The following ABCC5 variants were observed in gnomAD, a reference collection of about 807,000 sequenced individuals.
ABCC5 encodes the protein ATP-binding cassette sub-family C member 5.
A neutral mutation model predicts 160.9 loss-of-function variants in ABCC5; 61 were observed. The observed-to-expected ratio is 0.38, with a 90% CI of 0.31 to 0.47. The LOEUF (loss-of-function observed/expected upper bound fraction) is 0.47, where lower values mean the gene tolerates loss of function less well. Among genes scored for constraint, ABCC5 ranks in the 20% least tolerant of loss-of-function variants. The pLI, the probability that ABCC5 is intolerant of heterozygous loss-of-function variation, is 0.99. For missense variants in ABCC5, 1,308 were observed against 1,813.3 expected (o/e 0.72, Z 5.06); for synonymous variants, 666 against 700.6 (o/e 0.95, Z 0.78).
intron 2 of ABCC5, 80 bp from the exon 3 acceptor site, chr3:183,989,463 A>C: frequency 1.7e-4 from 238 of 1,437,652 alleles, no homozygotes; most frequent in Non-Finnish European, 2.0e-4. Context: ...GAAACAGCTC[A>C]AACTGCAAAC....
chr3:183,971,119 G>A (rs904406946), intron 11 of ABCC5, among the ~76,000 whole-genome samples: 7 of 152,080 alleles, frequency 4.6e-5, no homozygotes, highest in South Asian at 2.1e-4. Flanking sequence ...TACCGTTAAC[G>A]ATCCTTAACT....
At chr3:183,969,139 A>T (rs1429376455) in intron 11 of ABCC5, among the ~76,000 whole-genome samples, 1 of 152,174 alleles carries the variant, frequency 6.6e-6, no homozygotes, top group Non-Finnish European at 1.5e-5. Flanking sequence ...TGGTGCACAG[A>T]AGACACTTGG....
rs936667017 is a variant in ABCC5 at position 183,934,073 on chromosome 3, A to C, written c.3854+3828T>G. ...GTAATCCCAGCACTTTGGGAGGCTG[A>C]GGTGGGCAGATCACCTGAGGTCAGG... On this transcript the variant is annotated intron_variant, in intron 26 of 29. Transcript: ENST00000334444. 2.0e-5 allele frequency among the ~76,000 whole-genome samples: 3 copies of C among 152,190 alleles called. No individual in the cohort carries two copies. In the East Asian group the frequency reaches 5.8e-4, roughly 29 times the overall value.
At position 184,014,165 on chromosome 3, in the gene ABCC5, G is replaced by A. The variant is rs1020956477; in HGVS notation, c.129+99C>T. 3.0e-5 allele frequency: 35 copies of A among 1,168,804 alleles called. 1 individual carries two copies. The Middle Eastern group carries it at 6.3e-4, about 21-fold the overall frequency. The allele number at this position is 1,168,804 out of a possible 1,614,324, so 72.4% of individuals were successfully genotyped here. ...TGGGTTTATAGGCGTGAGCCACCGCGCCCGGCCAAAAAATAAGTTTCTAAA... is the reference window on the plus strand; with the variant it reads ...TGGGTTTATAGGCGTGAGCCACCGCACCCGGCCAAAAAATAAGTTTCTAAA... On this transcript the variant is annotated intron_variant, in intron 2 of 29. Transcript: ENST00000334444.
Position 183,951,323 on chromosome 3 carries a change from G to C in ABCC5, c.2944+118C>G, listed in dbSNP as rs1279012896. On this transcript the variant is annotated intron_variant, in intron 20 of 29. Transcript: ENST00000334444. The surrounding 1 kb of genome is among the most constrained non-coding windows in gnomAD (Gnocchi z 4.7). ...TGCAATGTTCCTGGTGAAAACACCA[G>C]CAGTCACTGTGCTCTCAGGATCTAC... 1 of 1,334,736 alleles carries C rather than the reference G, an allele frequency of 7.5e-7. No homozygotes were observed. The highest frequency in any genetic ancestry group is 2.4e-5 in the Admixed American group (1 of 41,604). 82.7% of individuals were successfully genotyped at this position (1,334,736 alleles called of 1,614,324 possible).
chr3:183,927,257 C>A, intron 28 of ABCC5, 73 bp downstream of exon 28: 2 of 1,457,552 alleles, frequency 1.4e-6, no homozygotes, highest in Non-Finnish European at 9.4e-7. Context: ...TACCTTTGGA[C>A]CCCAGTGTGT....
At chr3:183,989,439 C>T in intron 2 of ABCC5, 56 bp from the exon 3 acceptor site, 9 of 1,576,038 alleles carry the variant, frequency 5.7e-6, no homozygotes, top group Non-Finnish European at 7.8e-6. Flanking sequence ...AGGCGAGAGG[C>T]AAACGGAACT....
In ABCC5 at chr3:183,950,115, C is replaced by A. The variant is rs1359836068; in HGVS notation, c.2955G>T (p.Arg985=). 1.9e-6 allele frequency: 3 copies of A among 1,613,192 alleles called. No homozygotes were observed. The highest frequency in any genetic ancestry group is 2.5e-6 in the Non-Finnish European group (3 of 1,179,772). The change falls in exon 21 of 30, where the codon CGG becomes CGT. Residue 985 remains arginine (R), a synonymous_variant. Transcript: ENST00000334444. Reference sequence around the variant, plus strand: ...TGAACATCTCGGCCTGGAACGGCAGCCGCACGTCAACTGTGGAAACAAATA... The same window carrying A: ...TGAACATCTCGGCCTGGAACGGCAGACGCACGTCAACTGTGGAAACAAATA... ...FSKDMDEVDV[R]LPFQAEMFIQ... is the part of the protein sequence containing the mutation.
At chr3:183,960,240 CCT>C (rs1716597813) in intron 16 of ABCC5, among the ~76,000 whole-genome samples, 1 of 152,206 alleles carries the variant, frequency 6.6e-6, no homozygotes, top group African/African-American at 2.4e-5. Context: ...TTCTGTAGGA[CCT>C]CCATATTCTG....
intron 8 of ABCC5, 39 bp downstream of exon 8, chr3:183,981,688 T>G (rs1385321661): frequency 3.7e-6 from 6 of 1,602,058 alleles, no homozygotes; most frequent in Admixed American, 1.8e-5. Flanking sequence ...GAATCCAAGG[T>G]CCTTCTACCA....
At chr3:183,972,464 ATCT>A (rs1438634891) in intron 10 of ABCC5, among the ~76,000 whole-genome samples, 1 of 152,182 alleles carries the variant, frequency 6.6e-6, no homozygotes, top group African/African-American at 2.4e-5. Flanking sequence ...CGCAGAGAAC[ATCT>A]TCTTGCCAAG....
chr3:183,956,456 G>GGATCCATGTGTATATCACATCT (rs1715978688), intron 17 of ABCC5, among the ~76,000 whole-genome samples: 1 of 146,016 alleles, frequency 6.8e-6, no homozygotes, highest in African/African-American at 2.7e-5. Context: ...AAATCACATC[G>GGATCCATGTGTATATCACATCT]GTTACATGCG....
intron 8 of ABCC5, among the ~76,000 whole-genome samples, chr3:183,981,188 G>C (rs186126015): frequency 6.6e-6 from 1 of 152,138 alleles, no homozygotes; most frequent in African/African-American, 2.4e-5. Flanking sequence ...AAGGCACACT[G>C]GTTCAATTTG....
chr3:183,950,363 A>G (rs570089399), intron 20 of ABCC5, among the ~76,000 whole-genome samples: 62 of 152,230 alleles, frequency 4.1e-4, no homozygotes, highest in African/African-American at 1.3e-3. Flanking sequence ...ACTGCTTTAA[A>G]CATTTTCCCC....
At chr3:183,993,790 TAATTA>T (rs1213781682) in intron 2 of ABCC5, among the ~76,000 whole-genome samples, 2 of 152,152 alleles carry the variant, frequency 1.3e-5, no homozygotes, top group Non-Finnish European at 2.9e-5. Flanking sequence ...TCAGAGGCAT[TAATTA>T]TATTCACAAT....
chr3:183,922,841 C>T lies in ABCC5; in HGVS notation c.4213-1440G>A, dbSNP rs112357545. ...CATAAGCGTGTCCTTCCTTTGGACACGTGTCCTTCCTTTGGTTGGGTGCTT... is the reference window on the plus strand; with the variant it reads ...CATAAGCGTGTCCTTCCTTTGGACATGTGTCCTTCCTTTGGTTGGGTGCTT... On this transcript the variant is annotated intron_variant, in intron 29 of 29. Coordinates refer to ENST00000334444, the MANE Select transcript of ABCC5 (RefSeq NM_005688.4). Among the ~76,000 whole-genome samples, 966 of 152,242 alleles carry T rather than the reference C, an allele frequency of 6.3e-3. 11 individuals are homozygous for T. The highest frequency in any genetic ancestry group is 0.022 in the African/African-American group (915 of 41,554).
At chr3:183,980,815 C>G (rs1187566832) in intron 8 of ABCC5, among the ~76,000 whole-genome samples, 1 of 151,484 alleles carries the variant, frequency 6.6e-6, no homozygotes, top group African/African-American at 2.4e-5. Context: ...TGGGTTCAAG[C>G]GATTCTCCTG....
Position 183,981,888 on chromosome 3 carries a change from C to T in ABCC5, c.1000-14G>A, listed in dbSNP as rs755008298. The T allele has an allele frequency of 1.8e-5, 29 of 1,583,534 alleles. No homozygotes were observed. Among genetic ancestry groups the T allele is most frequent in the South Asian group, 4.7e-5 (4 of 85,370 alleles). ...TGATGCAAACATCTGAAAGGAAAAGCGATGCCACGCCAAATTAAAGCTCAT... is the reference window on the plus strand; with the variant it reads ...TGATGCAAACATCTGAAAGGAAAAGTGATGCCACGCCAAATTAAAGCTCAT... On this transcript the variant is annotated splice_polypyrimidine_tract_variant and intron_variant, in intron 7 of 29. Transcript: ENST00000334444.
At chr3:183,973,862 T>C (rs3805108) in intron 10 of ABCC5, among the ~76,000 whole-genome samples, 92,978 of 152,050 alleles carry the variant, frequency 0.61, 29,097 homozygotes, top group East Asian at 0.85. Context: ...TTTCTCTCCC[T>C]TAAAGAGTTA....
Sources: gnomAD v4.1 joint callset for allele counts (sites outside exome capture counted in the v4.1 genomes callset) on GRCh38, gnomAD v4.1.1 for gene constraint, Gnocchi (gnomAD v3.1) non-coding constraint, MANE v1.5 for transcripts, NCBI Gene and HGNC (gene_info 2026-07-23, HGNC 2026-07-21) for gene names.